Variants in ZNF804A observed in about 807,000 individuals in gnomAD.
ZNF804A encodes zinc finger protein 804A.
In ZNF804A, 2 loss-of-function variants were observed where a neutral mutation model predicts 16.5. The observed-to-expected ratio is 0.12, with a 90% CI of 0.05 to 0.38. The LOEUF (loss-of-function observed/expected upper bound fraction) is 0.38. ZNF804A is among the 10% of genes least tolerant of loss of function. The pLI is 0.99. For synonymous variants in ZNF804A, 534 were observed against 489.6 expected (o/e 1.09, Z -1.20); for missense variants, 1,473 against 1,390.7 (o/e 1.06, Z -0.94).
At chr2:184,628,804 C>T (rs956989395) in intron 1 of ZNF804A, among the ~76,000 whole-genome samples, 18 of 152,066 alleles carry the variant, frequency 1.2e-4, no homozygotes, top group African/African-American at 4.1e-4. Flanking sequence ...TGTATATGCA[C>T]ATTCAAATTT....
At chr2:184,682,712 A>T (rs1284692919) in intron 1 of ZNF804A, among the ~76,000 whole-genome samples, 1 of 152,194 alleles carries the variant, frequency 6.6e-6, no homozygotes, top group African/African-American at 2.4e-5. Context: ...TTATTGAAGC[A>T]TTTTCTCATG....
chr2:184,866,638 A>T lies in ZNF804A; in HGVS notation c.255+126A>T, dbSNP rs935834491. The T allele has an allele frequency of 4.8e-6, 4 of 828,120 alleles. No individual in the cohort carries two copies. The African/African-American group carries it at 7.2e-5, about 15-fold the overall frequency. The allele number at this position is 828,120 out of a possible 1,614,324, so 51.3% of individuals were successfully genotyped here. On this transcript the variant is annotated intron_variant, in intron 2 of 3. Transcript: ENST00000302277. ...AATTTGCTGTACAGTTTTGAAATAT[A>T]TCATTCTGGGATGATAATTTGATGA... is the stretch of plus-strand genomic sequence containing the variant.
chr2:184,930,633 C>T (rs1340761784), intron 2 of ZNF804A, among the ~76,000 whole-genome samples: 1 of 152,094 alleles, frequency 6.6e-6, no homozygotes, highest in Non-Finnish European at 1.5e-5. Context: ...GATTTACAAT[C>T]CAGAATCATT....
chr2:184,760,035 A>G (rs1254896951), intron 1 of ZNF804A, among the ~76,000 whole-genome samples: 1 of 152,012 alleles, frequency 6.6e-6, no homozygotes, highest in Non-Finnish European at 1.5e-5. Context: ...CGCCCTTAGT[A>G]ATGTCATCAG....
chr2:184,773,649 G>A (rs1394324630), intron 1 of ZNF804A, among the ~76,000 whole-genome samples: 1 of 151,812 alleles, frequency 6.6e-6, no homozygotes, highest in Admixed American at 6.6e-5. Context: ...TGGGGACTGA[G>A]GGAAAGAGTG....
At chr2:184,900,448 G>C (rs1180826141) in intron 2 of ZNF804A, among the ~76,000 whole-genome samples, 1 of 152,124 alleles carries the variant, frequency 6.6e-6, no homozygotes, top group Non-Finnish European at 1.5e-5. Context: ...GACAGGGGTA[G>C]ATCACCACAA....
intron 1 of ZNF804A, among the ~76,000 whole-genome samples, chr2:184,706,678 G>A (rs1219222937): frequency 6.6e-6 from 1 of 152,104 alleles, no homozygotes; most frequent in Non-Finnish European, 1.5e-5. Flanking sequence ...CTGACCATCA[G>A]GATAGCTGTG....
chr2:184,707,356 G>T (rs758479357), intron 1 of ZNF804A, among the ~76,000 whole-genome samples: 11 of 152,026 alleles, frequency 7.2e-5, no homozygotes, highest in Non-Finnish European at 1.5e-4. Context: ...TGACTATATT[G>T]TGTGATGCTG....
chr2:184,613,108 G>A (rs565685212), intron 1 of ZNF804A, among the ~76,000 whole-genome samples: 2 of 152,314 alleles, frequency 1.3e-5, no homozygotes, highest in South Asian at 2.1e-4. Context: ...AGCAAGGTGC[G>A]GATATAATTC....
chr2:184,706,350 C>T (rs1042426048), intron 1 of ZNF804A, among the ~76,000 whole-genome samples: 8 of 152,152 alleles, frequency 5.3e-5, no homozygotes, highest in African/African-American at 1.9e-4. Flanking sequence ...AGACCTGAGT[C>T]TTCTTCCTCT....
chr2:184,771,128 A>T (rs920597672), intron 1 of ZNF804A, among the ~76,000 whole-genome samples: 2 of 152,072 alleles, frequency 1.3e-5, no homozygotes, highest in African/African-American at 4.8e-5. Flanking sequence ...TCTCATAACC[A>T]TGCTGTTGGG....
At chr2:184,823,681 T>A (rs1695118824) in intron 1 of ZNF804A, among the ~76,000 whole-genome samples, 1 of 152,124 alleles carries the variant, frequency 6.6e-6, no homozygotes, top group South Asian at 2.1e-4. Flanking sequence ...CATGCTGTGT[T>A]TTCCTTCAGA....
In ZNF804A at chr2:184,936,435, C is replaced by A. The variant is rs763880723; in HGVS notation, c.1039C>A (p.Pro347Thr). The A allele has an allele frequency of 1.2e-6, 2 of 1,613,720 alleles. No individual in the cohort carries two copies. Among genetic ancestry groups the A allele is most frequent in the Non-Finnish European group, 1.7e-6 (2 of 1,179,898 alleles). The change falls in exon 4 of 4, where the codon CCT becomes ACT. Residue 347 changes from proline (P) to threonine (T), a missense_variant. Physicochemically the swap from Pro to Thr is conservative, Grantham distance 38. Transcript: ENST00000302277. ...GAGTGTTGTTATTAATGAAGACATA[C>A]CTGTTAGTGGTAACAGTTTTGAGTT... is the stretch of plus-strand genomic sequence containing the variant. ...LESVVINEDI[P>T]VSGNSFELLG...
intron 1 of ZNF804A, among the ~76,000 whole-genome samples, chr2:184,617,669 C>T (rs1691349138): frequency 6.6e-6 from 1 of 151,286 alleles, no homozygotes. Context: ...GATTATGATG[C>T]CTTAGGAATC....
intron 1 of ZNF804A, among the ~76,000 whole-genome samples, chr2:184,763,936 T>C (rs1194398091): frequency 1.3e-5 from 2 of 151,996 alleles, no homozygotes; most frequent in African/African-American, 4.8e-5. Flanking sequence ...GCCACTGCGC[T>C]GGCCCAAAAT....
chr2:184,927,775 T>TA (rs747350961), intron 2 of ZNF804A, among the ~76,000 whole-genome samples: 2 of 152,276 alleles, frequency 1.3e-5, no homozygotes, highest in East Asian at 3.9e-4. Context: ...CACAGGCCCA[T>TA]AGGGAAAACT....
chr2:184,816,671 C>A (rs559992208), intron 1 of ZNF804A, among the ~76,000 whole-genome samples: 2 of 152,064 alleles, frequency 1.3e-5, no homozygotes, highest in East Asian at 3.9e-4. Context: ...TTTAGATTCC[C>A]ACAATGTTAC....
At chr2:184,612,249 GA>G (rs1396932028) in intron 1 of ZNF804A, among the ~76,000 whole-genome samples, 1 of 151,666 alleles carries the variant, frequency 6.6e-6, no homozygotes, top group African/African-American at 2.4e-5. Flanking sequence ...TATATAAATA[GA>G]AAAAAATAGT....
At chr2:184,699,866 C>T (rs7568756) in intron 1 of ZNF804A, among the ~76,000 whole-genome samples, 9 of 151,678 alleles carry the variant, frequency 5.9e-5, no homozygotes, top group Non-Finnish European at 1.0e-4. Flanking sequence ...GTTGGAGAAA[C>T]GGTAGGAAAT....
Sources: gnomAD v4.1 joint callset for allele counts (sites outside exome capture counted in the v4.1 genomes callset) on GRCh38, gnomAD v4.1.1 for gene constraint, MANE v1.5 for transcripts, NCBI Gene and HGNC (gene_info 2026-07-23, HGNC 2026-07-21) for gene names.